Variants in KRT33A observed in about 807,000 individuals in gnomAD.
The protein encoded by KRT33A is keratin, type I cuticular Ha3-I.
Under a neutral mutation model 41.1 loss-of-function variants are expected in KRT33A, and 44 were observed. The ratio of observed to expected loss-of-function variants is 1.07; its 90% CI spans 0.84 to 1.38. The LOEUF is 1.38. Ranked by LOEUF, KRT33A falls within the 40% of genes most tolerant of loss-of-function variation. The pLI, the probability that KRT33A is intolerant of heterozygous loss-of-function variation, is 0.00. For missense variants in KRT33A, 536 were observed against 518.5 expected (o/e 1.03, Z -0.33); for synonymous variants, 229 against 227.8 (o/e 1.01, Z -0.05).
In KRT33A at chr17:41,346,827, G is replaced by A; in HGVS notation, c.876+17C>T. On this transcript the variant is annotated intron_variant, in intron 5 of 6. Coordinates refer to ENST00000007735, the MANE Select transcript of KRT33A (RefSeq NM_004138.4). ...CCAAGTTCCCATCGCTCACCAGCAG[G>A]TCTGAACAATACACACCAGGTTGTG... is the stretch of plus-strand genomic sequence containing the variant. 6.2e-7 allele frequency: 1 copy of A among 1,612,326 alleles called. No homozygotes were observed.
intron 4 of KRT33A, 43 bp from the exon 5 acceptor site, chr17:41,347,012 G>T (rs554824385): frequency 6.2e-7 from 1 of 1,611,332 alleles, no homozygotes; most frequent in African/African-American, 1.3e-5. Flanking sequence ...CTGCCTCCGG[G>T]GCCCTGGGGG....
In KRT33A at chr17:41,350,654, G is replaced by A. The variant is rs111487509; in HGVS notation, c.114C>T (p.Pro38=). 3.9e-4 allele frequency: 628 copies of A among 1,610,880 alleles called. 25 individuals are homozygous for A. The highest frequency in any genetic ancestry group is 8.4e-4 in the African/African-American group (61 of 72,818). The stretch of plus-strand genomic sequence containing the variant: ...ACCAGTTGCAGTTGCTCACATTGGC[G>A]GGGATGTTGCAGGCCCCGGGCAGGG... ...GCTLPGACNI[P]ANVSNCNWFC... is the part of the protein sequence containing the mutation. The change falls in exon 1 of 7, where the codon CCC becomes CCT. Residue 38 remains proline (P), a synonymous_variant. Transcript: ENST00000007735.
rs755932403 is a variant in KRT33A, at chr17:41,348,564, C to G, written c.507G>C (p.Leu169=). ...INGLRRILDE[L]TLCRSDLEAQ... is the part of the protein sequence containing the mutation. The stretch of plus-strand genomic sequence containing the variant: ...CCTCCAGGTCAGACCTGCACAGGGT[C>G]AGCTCATCCAGGATCCTGCGCAGGC... The change falls in exon 3 of 7, where the codon CTG becomes CTC. Residue 169 remains leucine (L), a synonymous_variant. Transcript: ENST00000007735. The G allele has an allele frequency of 1.4e-5, 22 of 1,613,910 alleles. No homozygotes were observed. Among genetic ancestry groups the G allele is most frequent in the Non-Finnish European group, 1.9e-5 (22 of 1,180,014 alleles).
In KRT33A at chr17:41,346,254, T is replaced by C. The variant is rs372170967; in HGVS notation, c.1098-18A>G. The stretch of plus-strand genomic sequence containing the variant: ...AGGGGAGCCTGTGGGCAGAAAATCA[T>C]TGGAGCAAGTTAGAGTAAAATGAGC... On this transcript the variant is annotated intron_variant, in intron 6 of 6. Coordinates refer to ENST00000007735, the MANE Select transcript of KRT33A (RefSeq NM_004138.4). The C allele has an allele frequency of 5.2e-5, 84 of 1,610,014 alleles. 1 individual carries two copies. The Middle Eastern group carries it at 3.0e-3, about 57-fold the overall frequency.
At chr17:41,346,701 C>T in intron 5 of KRT33A, 33 bp from the exon 6 acceptor site, 1 of 1,613,500 alleles carries the variant, frequency 6.2e-7, no homozygotes, top group South Asian at 1.1e-5. Flanking sequence ...TGTCAGAGAG[C>T]TGCTCCTTAT....
chr17:41,350,495 C>T lies in KRT33A; in HGVS notation c.273G>A (p.Arg91=), dbSNP rs776750179. Residue 91 remains arginine, a synonymous_variant, in exon 1 of 7, where the codon CGG becomes CGA. Transcript: ENST00000007735. ...ACACCAAGGGCTCCTGCTGCTGTGA[C>T]CGCTCCCGGATGAGGTTCTCCAGCT... The part of the protein sequence containing the change: ...NAELENLIRE[R]SQQQEPLVCA... 30 of 1,614,134 alleles carry T rather than the reference C, an allele frequency of 1.9e-5. No homozygotes were observed. The highest frequency in any genetic ancestry group is 5.5e-5 in the South Asian group (5 of 91,068).
In KRT33A at chr17:41,347,183, T is replaced by G. The variant is rs766941317; in HGVS notation, c.628A>C (p.Asn210His). ...GTGGGAGCAGCGTCCACCTCCACGT[T>G]GAGGCGGTCTCCAAGCTGGCAGCGC... ...TLRCQLGDRLNVEVDAAPTVD... is the reference protein window; with the variant it reads ...TLRCQLGDRLHVEVDAAPTVD... Residue 210 changes from asparagine to histidine, a missense_variant, in exon 4 of 7, where the codon AAC (asparagine) becomes CAC (histidine). By Grantham distance (68) the Asn-to-His change is moderately conservative. Transcript: ENST00000007735. 1 of 1,613,604 alleles carries G rather than the reference T, an allele frequency of 6.2e-7. No homozygotes were observed. Among genetic ancestry groups the G allele is most frequent in the South Asian group, 1.1e-5 (1 of 90,986 alleles).
At position 41,350,534 on chromosome 17, in the gene KRT33A, C is replaced by T. The variant is rs972114759; in HGVS notation, c.234G>A (p.Glu78=). The T allele has an allele frequency of 2.5e-6, 4 of 1,614,150 alleles. No individual in the cohort carries two copies. In the Admixed American group the frequency reaches 5.0e-5, roughly 20 times the overall value. ...GGTTCTCCAGCTCCGCGTTGTCCCG[C>T]TCCAGCTGACGCACCTTCTCCAGGT... The part of the protein sequence containing the change: ...ASYLEKVRQL[E]RDNAELENLI... The change falls in exon 1 of 7, where the codon GAG becomes GAA. Residue 78 remains glutamate, a synonymous_variant. Transcript: ENST00000007735.
At chr17:41,349,983 G>A (rs561797680) in intron 1 of KRT33A, among the ~76,000 whole-genome samples, 11 of 152,266 alleles carry the variant, frequency 7.2e-5, no homozygotes, top group Admixed American at 6.5e-4. Context: ...TGAGGACAAT[G>A]AAATCAGGAT....
chr17:41,347,319 A>G, intron 3 of KRT33A, 97 bp from the exon 4 acceptor site: 1 of 1,404,672 alleles, frequency 7.1e-7, no homozygotes, highest in Non-Finnish European at 9.5e-7. Flanking sequence ...TAAGCTTTCA[A>G]GAAACTTTGT....
intron 3 of KRT33A, 132 bp downstream of exon 3, chr17:41,348,351 A>T: frequency 1.1e-6 from 1 of 893,570 alleles, no homozygotes; most frequent in Non-Finnish European, 1.7e-6. Context: ...GTCATTCTCT[A>T]CATATCCCTT....
intron 3 of KRT33A, 21 bp downstream of exon 3, chr17:41,348,462 A>G (rs575125934): frequency 6.8e-6 from 11 of 1,613,456 alleles, no homozygotes; most frequent in South Asian, 2.2e-5. Flanking sequence ...GTCTGAGCCC[A>G]TCACTCTTCA....
chr17:41,346,239 G>A lies in KRT33A; in HGVS notation c.1098-3C>T, dbSNP rs1208893543. The A allele has an allele frequency of 6.2e-7, 1 of 1,613,402 alleles. No individual in the cohort carries two copies. The highest frequency in any genetic ancestry group is 8.5e-7 in the Non-Finnish European group (1 of 1,179,328). Reference sequence around the variant, plus strand: ...TGGCGCAGGGGTTGGAGGGGAGCCTGTGGGCAGAAAATCATTGGAGCAAGT... The same window carrying A: ...TGGCGCAGGGGTTGGAGGGGAGCCTATGGGCAGAAAATCATTGGAGCAAGT... On this transcript the variant is annotated splice_polypyrimidine_tract_variant and splice_region_variant and intron_variant, in intron 6 of 6. Transcript: ENST00000007735.
At chr17:41,347,546 G>T (rs1055135909) in intron 3 of KRT33A, among the ~76,000 whole-genome samples, 2 of 152,202 alleles carry the variant, frequency 1.3e-5, no homozygotes, top group Non-Finnish European at 2.9e-5. Flanking sequence ...CAGTGTTTTT[G>T]CTAGTATACC....
At chr17:41,350,390 A>G (rs768613440) in intron 1 of KRT33A, 30 bp downstream of exon 1, 11 of 1,602,990 alleles carry the variant, frequency 6.9e-6, no homozygotes, top group Non-Finnish European at 9.4e-6. Flanking sequence ...ACAACTTCCT[A>G]CTGGAGGCAC....
At chr17:41,347,658 G>A (rs779829663) in intron 3 of KRT33A, among the ~76,000 whole-genome samples, 1 of 152,250 alleles carries the variant, frequency 6.6e-6, no homozygotes, top group Non-Finnish European at 1.5e-5. Flanking sequence ...TGCCATCCTG[G>A]CATAGAAGAG....
chr17:41,347,241 A>C lies in KRT33A; in HGVS notation c.589-19T>G. On this transcript the variant is annotated intron_variant, in intron 3 of 6. Coordinates refer to ENST00000007735, the MANE Select transcript of KRT33A (RefSeq NM_004138.4). ...TAACCTCCTGATGGAGAAAGGGCAA[A>C]ATTTTAAATTTCACAAAGGATCTTG... 1 of 1,579,496 alleles carries C rather than the reference A, an allele frequency of 6.3e-7. No individual in the cohort carries two copies. The highest frequency in any genetic ancestry group is 1.2e-5 in the South Asian group (1 of 85,630).
chr17:41,350,660 G>A lies in KRT33A; in HGVS notation c.108C>T (p.Asn36=), dbSNP rs2144270908. 6.2e-7 allele frequency: 1 copy of A among 1,612,312 alleles called. No homozygotes were observed. The highest frequency in any genetic ancestry group is 2.2e-5 in the East Asian group (1 of 44,874). The part of the protein sequence containing the change: ...CHGCTLPGAC[N]IPANVSNCNW... ...TGCAGTTGCTCACATTGGCGGGGAT[G>A]TTGCAGGCCCCGGGCAGGGTGCAGC... Residue 36 remains asparagine, a synonymous_variant, in exon 1 of 7, where the codon AAC becomes AAT. Transcript: ENST00000007735.
At position 41,349,444 on chromosome 17, in the gene KRT33A, C is replaced by T; in HGVS notation, c.349-16G>A. 1 of 1,613,848 alleles carries T rather than the reference C, an allele frequency of 6.2e-7. No individual in the cohort carries two copies. The highest frequency in any genetic ancestry group is 8.5e-7 in the Non-Finnish European group (1 of 1,179,830). On this transcript the variant is annotated splice_polypyrimidine_tract_variant and intron_variant, in intron 1 of 6. Coordinates refer to ENST00000007735, the MANE Select transcript of KRT33A (RefSeq NM_004138.4). ...TGCACAGGATCTAGAAGGCCCAAAACATTCAAGAATGAGCAAGGACTTGGT... is the reference window on the plus strand; with the variant it reads ...TGCACAGGATCTAGAAGGCCCAAAATATTCAAGAATGAGCAAGGACTTGGT...
Sources: allele counts gnomAD v4.1 joint callset (sites outside exome capture counted in the v4.1 genomes callset), GRCh38; gene constraint gnomAD v4.1.1; transcripts MANE v1.5; gene names NCBI Gene and HGNC (gene_info 2026-07-23, HGNC 2026-07-21).